DIAPH2: variants seen among roughly 807,000 people sequenced by gnomAD.
DIAPH2 encodes diaphanous related formin 2.
In DIAPH2, 35 loss-of-function variants were observed where a neutral mutation model predicts 92.7. That is an observed-to-expected ratio of 0.38 (90% CI 0.29 to 0.50). DIAPH2 has a LOEUF of 0.50. Among genes scored for constraint, DIAPH2 ranks in the 20% least tolerant of loss-of-function variants. The probability of loss-of-function intolerance (pLI) is 0.94; values close to 1 mark genes in which losing one functional copy is unlikely to be tolerated. For synonymous variants in DIAPH2, 301 were observed against 280.4 expected (o/e 1.07, Z -0.73); for missense variants, 701 against 819.5 (o/e 0.86, Z 1.77).
At position 97,242,487 on chromosome X, in the gene DIAPH2, C is replaced by A. The variant is rs547134185; in HGVS notation, c.2720-5228C>A. Among the ~76,000 whole-genome samples, 8 of 110,151 alleles carry A rather than the reference C, an allele frequency of 7.3e-5. 1 individual carries two copies. The highest frequency in any genetic ancestry group is 4.7e-3 in the Middle Eastern group (1 of 215). The stretch of plus-strand genomic sequence containing the variant: ...CAAGTGATTTTCCTGTCTCAGTCTC[C>A]CGAGTATCTGGGATTACAGGCGGGC... On this transcript the variant is annotated intron_variant, in intron 22 of 26. Transcript: ENST00000324765.
intron 22 of DIAPH2, among the ~76,000 whole-genome samples, chrX:97,185,399 A>ATATATATGTATATATATATGTG (rs1569323136): frequency 2.0e-5 from 1 of 49,090 alleles, no homozygotes; most frequent in Non-Finnish European, 3.0e-5. Context: ...ATATGTGTAT[A>ATATATATGTATATATATATGTG]TATATATATA....
At chrX:97,189,347 C>T (rs2067632254) in intron 22 of DIAPH2, among the ~76,000 whole-genome samples, 1 of 110,279 alleles carries the variant, frequency 9.1e-6, no homozygotes, top group African/African-American at 3.3e-5. Context: ...ATGTGGCCCC[C>T]AAGGTCGTAT....
chrX:97,393,548 C>G (rs370682766), intron 25 of DIAPH2, among the ~76,000 whole-genome samples: 1 of 111,679 alleles, frequency 9.0e-6, no homozygotes, highest in East Asian at 2.8e-4. Context: ...ATGCGTGCAA[C>G]AGTATGCAAA....
At chrX:97,198,354 T>A (rs2067721195) in intron 22 of DIAPH2, among the ~76,000 whole-genome samples, 1 of 107,024 alleles carries the variant, frequency 9.3e-6, no homozygotes, top group South Asian at 4.0e-4. Context: ...ATATATATAT[T>A]AATATAAGGA....
At chrX:97,390,453 T>G (rs2069647938) in intron 25 of DIAPH2, among the ~76,000 whole-genome samples, 1 of 110,673 alleles carries the variant, frequency 9.0e-6, no homozygotes, top group South Asian at 3.9e-4. Flanking sequence ...CTCCTGAGAT[T>G]AAGCGATCTG....
At chrX:97,200,074 C>T (rs2067734841) in intron 22 of DIAPH2, among the ~76,000 whole-genome samples, 1 of 110,639 alleles carries the variant, frequency 9.0e-6, no homozygotes, top group Non-Finnish European at 1.9e-5. Flanking sequence ...CAGGATGGGG[C>T]GTCGCTTCTC....
intron 4 of DIAPH2, among the ~76,000 whole-genome samples, chrX:96,851,485 CT>C (rs1212736780): frequency 1.2e-4 from 13 of 111,859 alleles, no homozygotes; most frequent in East Asian, 1.1e-3. Flanking sequence ...TGCCAAATCC[CT>C]TATATAACAT....
chrX:96,855,559 AATATAG>A (rs1349074814), intron 4 of DIAPH2, among the ~76,000 whole-genome samples: 6 of 109,311 alleles, frequency 5.5e-5, no homozygotes, highest in South Asian at 3.8e-4. Context: ...CTAAGATATA[AATATAG>A]ATATAGATAT....
intron 5 of DIAPH2, among the ~76,000 whole-genome samples, chrX:96,889,793 T>G (rs973564671): frequency 8.9e-6 from 1 of 111,783 alleles, no homozygotes; most frequent in African/African-American, 3.3e-5. Flanking sequence ...AAAGGAAGTA[T>G]GGCAGTGACC....
intron 22 of DIAPH2, among the ~76,000 whole-genome samples, chrX:97,185,327 GTATATATATATA>G (rs1262703134): frequency 5.2e-4 from 2 of 3,881 alleles, no homozygotes; most frequent in African/African-American, 2.2e-3. Flanking sequence ...ATATATATGT[GTATATATATATA>G]TGTATATATA....
At chrX:97,267,974 T>C (rs1341373844) in intron 23 of DIAPH2, among the ~76,000 whole-genome samples, 1 of 111,998 alleles carries the variant, frequency 8.9e-6, no homozygotes, top group Non-Finnish European at 1.9e-5. Flanking sequence ...CCCTGTTGGC[T>C]CACTGCTCTC....
At chrX:96,940,354 G>A (rs1187818650) in intron 12 of DIAPH2, among the ~76,000 whole-genome samples, 2 of 112,044 alleles carry the variant, frequency 1.8e-5, no homozygotes, top group Non-Finnish European at 3.8e-5. Flanking sequence ...TTAGAATCTA[G>A]TTAACTGGGA....
chrX:96,752,313 G>C (rs1415150666), intron 3 of DIAPH2, among the ~76,000 whole-genome samples: 1 of 111,769 alleles, frequency 8.9e-6, no homozygotes, highest in African/African-American at 3.2e-5. Context: ...ATAAAAAACT[G>C]TTGCTGATTC....
intron 19 of DIAPH2, 70 bp from the exon 20 acceptor site, chrX:97,099,624 T>G: frequency 1.5e-6 from 1 of 667,273 alleles, no homozygotes; most frequent in African/African-American, 2.3e-5. Flanking sequence ...ATCACTTTCA[T>G]AATTGTTAAT....
chrX:96,801,057 A>T (rs1002712142), intron 4 of DIAPH2, among the ~76,000 whole-genome samples: 1 of 112,401 alleles, frequency 8.9e-6, no homozygotes, highest in African/African-American at 3.2e-5. Flanking sequence ...TTAAAAGCTG[A>T]TTAACAGATA....
At chrX:97,432,519 C>T (rs2070137550) in intron 26 of DIAPH2, among the ~76,000 whole-genome samples, 1 of 110,583 alleles carries the variant, frequency 9.0e-6, no homozygotes, top group South Asian at 3.8e-4. Context: ...TAGAGTCTTG[C>T]TCTGTTGCCC....
At chrX:97,355,024 C>T (rs914290065) in intron 24 of DIAPH2, among the ~76,000 whole-genome samples, 1 of 112,274 alleles carries the variant, frequency 8.9e-6, no homozygotes, top group Admixed American at 9.5e-5. Context: ...CGTTAATTCT[C>T]AGGGATGTTC....
At chrX:97,560,034 A>G (rs2071283276) in intron 26 of DIAPH2, among the ~76,000 whole-genome samples, 1 of 111,944 alleles carries the variant, frequency 8.9e-6, no homozygotes, top group South Asian at 3.8e-4. Flanking sequence ...CAAGGCCTAG[A>G]TCAAATTTCA....
In DIAPH2 at chrX:97,147,077, G is replaced by A. The variant is rs983292583; in HGVS notation, c.2719+5283G>A. On this transcript the variant is annotated intron_variant, in intron 22 of 26. Transcript: ENST00000324765. ...AAAGGGAGGAAAGTAGGCAAGGTGA[G>A]GGAAGAGAGAGTATATCACTTCCTT... Among the ~76,000 whole-genome samples the A allele has an allele frequency of 8.1e-5, 9 of 111,444 alleles. 1 individual carries two copies. Among genetic ancestry groups the A allele is most frequent in the African/African-American group, 2.9e-4 (9 of 30,715 alleles).
Sources: gnomAD v4.1 joint callset for allele counts (sites outside exome capture counted in the v4.1 genomes callset) on GRCh38, gnomAD v4.1.1 for gene constraint, MANE v1.5 for transcripts, NCBI Gene and HGNC (gene_info 2026-07-23, HGNC 2026-07-21) for gene names.